Variants in RASEF observed in about 807,000 individuals in gnomAD.
The protein encoded by RASEF is RAS and EF-hand domain containing, also known as ras and EF-hand domain-containing protein.
RASEF carries 68 observed loss-of-function variants against 90.1 expected under a neutral mutation model. The ratio of observed to expected loss-of-function variants is 0.75; its 90% CI spans 0.62 to 0.92. RASEF has a LOEUF of 0.92. RASEF is among the 40% of genes least tolerant of loss of function. The pLI is 0.00. For synonymous variants in RASEF, 331 were observed against 345.2 expected (o/e 0.96, Z 0.46); for missense variants, 949 against 937.2 (o/e 1.01, Z -0.16).
intron 1 of RASEF, among the ~76,000 whole-genome samples, chr9:83,030,085 G>A (rs1032758634): frequency 6.6e-6 from 1 of 152,192 alleles, no homozygotes; most frequent in Non-Finnish European, 1.5e-5. Context: ...GTCACCGAGT[G>A]GGGGGATGTG....
chr9:83,029,776 G>T (rs1410510876), intron 1 of RASEF, among the ~76,000 whole-genome samples: 1 of 151,992 alleles, frequency 6.6e-6, no homozygotes, highest in Non-Finnish European at 1.5e-5. Context: ...CAAAAGAATT[G>T]CTCAAGGAAA....
the RASEF span, among the ~76,000 whole-genome samples, chr9:83,167,286 A>C: frequency 3.6e-4 from 55 of 151,604 alleles, no homozygotes; most frequent in African/African-American, 1.2e-3. Flanking sequence ...GCTTGACCTG[A>C]GTGGGTGGAG....
At chr9:83,062,034 G>A (rs556820047) in intron 1 of RASEF, among the ~76,000 whole-genome samples, 1 of 152,198 alleles carries the variant, frequency 6.6e-6, no homozygotes, top group South Asian at 2.1e-4. Flanking sequence ...TACAGAGGAC[G>A]CCAAATTGGC....
the RASEF span, among the ~76,000 whole-genome samples, chr9:83,101,030 T>C: frequency 1.2e-4 from 18 of 152,196 alleles, no homozygotes; most frequent in African/African-American, 3.1e-4. Flanking sequence ...ATTTCTTTTT[T>C]TGAGTAGTCA....
In RASEF at chr9:83,011,130, C is replaced by T. The variant is rs112517465; in HGVS notation, c.843+1304G>A. ...GAAGTTTCTTGAGGATGTGCTATGC[C>T]GAAATGAGGATGAAACCCTCTCCTC... On this transcript the variant is annotated intron_variant, in intron 5 of 16. Coordinates refer to ENST00000376447, the MANE Select transcript of RASEF (RefSeq NM_152573.4). Among the ~76,000 whole-genome samples, 463 of 152,024 alleles carry T rather than the reference C, an allele frequency of 3.0e-3. 2 individuals are homozygous for T. Among genetic ancestry groups the T allele is most frequent in the African/African-American group, 6.5e-3 (270 of 41,466 alleles).
chr9:83,142,570 A>G, the RASEF span, among the ~76,000 whole-genome samples: 1 of 152,328 alleles, frequency 6.6e-6, no homozygotes, highest in East Asian at 1.9e-4. Flanking sequence ...CAGGTGCACA[A>G]CCATGATATG....
the RASEF span, among the ~76,000 whole-genome samples, chr9:83,109,023 TACAG>T: frequency 6.6e-6 from 1 of 152,210 alleles, no homozygotes; most frequent in Non-Finnish European, 1.5e-5. Context: ...GGCAATAGCT[TACAG>T]ACAAAGGAGT....
chr9:83,114,251 A>G, the RASEF span, among the ~76,000 whole-genome samples: 4 of 152,144 alleles, frequency 2.6e-5, no homozygotes, highest in Admixed American at 1.3e-4. Flanking sequence ...TGAAGATTTC[A>G]TGGACACTTA....
intron 1 of RASEF, chr9:83,049,291 C>T: frequency 2.0e-6 from 2 of 985,018 alleles, no homozygotes; most frequent in East Asian, 2.3e-4. Context: ...TCAATGACAT[C>T]AGAATTAGCA....
the RASEF span, among the ~76,000 whole-genome samples, chr9:83,107,634 C>T: frequency 2.6e-5 from 4 of 152,140 alleles, no homozygotes; most frequent in Admixed American, 6.6e-5. Flanking sequence ...ACATATTTAA[C>T]GCTTTGTTTT....
intron 1 of RASEF, among the ~76,000 whole-genome samples, chr9:83,026,745 T>A (rs1006221890): frequency 1.3e-5 from 2 of 152,188 alleles, no homozygotes; most frequent in African/African-American, 2.4e-5. Context: ...ATTCACATTT[T>A]TATATATATT....
the RASEF span, among the ~76,000 whole-genome samples, chr9:83,202,476 A>G: frequency 0.014 from 2,136 of 152,280 alleles, 41 homozygotes; most frequent in African/African-American, 0.047. Context: ...CATTAAAAGA[A>G]AGCAGTATTT....
the RASEF span, among the ~76,000 whole-genome samples, chr9:83,129,454 A>T: frequency 2.0e-5 from 3 of 152,090 alleles, no homozygotes; most frequent in Admixed American, 6.6e-5. Flanking sequence ...GAATCTAAGT[A>T]GCTTTATTTA....
chr9:83,097,296 T>C, the RASEF span, among the ~76,000 whole-genome samples: 1 of 152,170 alleles, frequency 6.6e-6, no homozygotes. Flanking sequence ...CAGCACCTGT[T>C]GTTTCCTGAC....
chr9:83,071,240 T>C, the RASEF span, among the ~76,000 whole-genome samples: 2 of 152,236 alleles, frequency 1.3e-5, no homozygotes, highest in African/African-American at 4.8e-5. Context: ...TCTTTTACCA[T>C]TGCGATGGTG....
chr9:83,156,757 TGG>T, the RASEF span, among the ~76,000 whole-genome samples: 203 of 152,340 alleles, frequency 1.3e-3, 1 homozygote, highest in African/African-American at 4.7e-3. Flanking sequence ...CTGATAGTCC[TGG>T]ATTGCTCATC....
intron 16 of RASEF, among the ~76,000 whole-genome samples, chr9:82,989,229 C>T (rs11139890): frequency 0.46 from 69,646 of 151,290 alleles, 16,771 homozygotes; most frequent in East Asian, 0.77. Context: ...TGCATGTGTG[C>T]GTGTGTGTGT....
intron 1 of RASEF, among the ~76,000 whole-genome samples, chr9:83,029,901 C>T (rs1462882271): frequency 2.6e-5 from 4 of 152,138 alleles, no homozygotes; most frequent in African/African-American, 9.7e-5. Flanking sequence ...CAATAGTAAG[C>T]CATATTTATT....
Position 83,004,180 on chromosome 9 carries a change from C to T in RASEF, c.1202+318G>A, listed in dbSNP as rs141422684. On this transcript the variant is annotated intron_variant, in intron 9 of 16. Coordinates refer to ENST00000376447, the MANE Select transcript of RASEF (RefSeq NM_152573.4). ...ACATTATATACCAGAAACACTGCAG[C>T]ATCATATACTATAATTCTGCTGGTT... 8.8e-3 allele frequency among the ~76,000 whole-genome samples: 1,340 copies of T among 152,244 alleles called. 12 individuals carry two copies. The highest frequency in any genetic ancestry group is 0.012 in the Non-Finnish European group (810 of 68,014).
Sources: gnomAD v4.1 joint callset for allele counts (sites outside exome capture counted in the v4.1 genomes callset) on GRCh38, gnomAD v4.1.1 for gene constraint, MANE v1.5 for transcripts, NCBI Gene and HGNC (gene_info 2026-07-23, HGNC 2026-07-21) for gene names.